EPHB1: variants seen among roughly 807,000 people sequenced by gnomAD.
EPHB1 encodes the protein EPH receptor B1.
A neutral mutation model predicts 94.4 loss-of-function variants in EPHB1; 30 were observed. The ratio of observed to expected loss-of-function variants is 0.32; its 90% CI spans 0.24 to 0.43. EPHB1 has a LOEUF of 0.43. Ranked by LOEUF, EPHB1 falls within the 20% of genes least tolerant of loss-of-function variation. EPHB1 has a pLI of 1.00. For synonymous variants in EPHB1, 522 were observed against 489.1 expected (o/e 1.07, Z -0.89); for missense variants, 1,055 against 1,308.3 (o/e 0.81, Z 2.99).
intron 1 of EPHB1, among the ~76,000 whole-genome samples, chr3:134,897,181 A>T (rs1241782334): frequency 6.6e-6 from 1 of 152,202 alleles, no homozygotes; most frequent in Non-Finnish European, 1.5e-5. Context: ...TCAGCACATC[A>T]TCTGTAGGGT....
intron 4 of EPHB1, among the ~76,000 whole-genome samples, chr3:135,113,152 G>A (rs139144352): frequency 9.2e-5 from 14 of 152,194 alleles, no homozygotes; most frequent in Non-Finnish European, 1.6e-4. Context: ...TTGGGTCCCC[G>A]CCCCATGCTG....
chr3:134,815,136 T>A (rs903097880), intron 1 of EPHB1, among the ~76,000 whole-genome samples: 3 of 152,232 alleles, frequency 2.0e-5, no homozygotes, highest in Non-Finnish European at 2.9e-5. Context: ...TTAAAGGATA[T>A]GATTTGGACA....
chr3:134,999,260 G>T (rs1199625231), intron 3 of EPHB1, among the ~76,000 whole-genome samples: 4 of 152,132 alleles, frequency 2.6e-5, no homozygotes, highest in African/African-American at 9.7e-5. Context: ...CATGCCGGAA[G>T]GTTTTTTGAG....
At chr3:134,879,617 A>T (rs1213484009) in intron 1 of EPHB1, among the ~76,000 whole-genome samples, 1 of 152,094 alleles carries the variant, frequency 6.6e-6, no homozygotes, top group Admixed American at 6.6e-5. Context: ...ATGCCACTGT[A>T]CTCCAGCCTG....
chr3:135,051,473 G>A (rs1937166187), intron 3 of EPHB1, among the ~76,000 whole-genome samples: 1 of 152,188 alleles, frequency 6.6e-6, no homozygotes, highest in Non-Finnish European at 1.5e-5. Flanking sequence ...ATTCCTTGAA[G>A]GTTTCCTCTC....
At chr3:135,248,181 G>C in intron 13 of EPHB1, 135 bp from the exon 14 acceptor site, 1 of 737,676 alleles carries the variant, frequency 1.4e-6, no homozygotes, top group Non-Finnish European at 2.1e-6. Context: ...CCATTACAGC[G>C]GAAGGTGTGC....
At chr3:134,972,191 C>T (rs958861366) in intron 3 of EPHB1, among the ~76,000 whole-genome samples, 2 of 152,000 alleles carry the variant, frequency 1.3e-5, no homozygotes, top group African/African-American at 4.8e-5. Context: ...GGCAGCCTCT[C>T]CTCACCTGTC....
intron 3 of EPHB1, among the ~76,000 whole-genome samples, chr3:135,066,516 T>G (rs1247282564): frequency 1.3e-5 from 2 of 152,232 alleles, no homozygotes; most frequent in East Asian, 3.9e-4. Flanking sequence ...ATTTTGCATT[T>G]CTATAAGTGT....
chr3:134,890,034 A>T (rs2037945049), intron 1 of EPHB1, among the ~76,000 whole-genome samples: 1 of 152,172 alleles, frequency 6.6e-6, no homozygotes, highest in African/African-American at 2.4e-5. Context: ...GATGTGTTGT[A>T]AACACCTATC....
chr3:135,196,968 A>G (rs1331682839), intron 11 of EPHB1, among the ~76,000 whole-genome samples: 1 of 152,146 alleles, frequency 6.6e-6, no homozygotes, highest in Admixed American at 6.5e-5. Context: ...AATATTAGAA[A>G]CAATTCGGCT....
chr3:135,201,971 T>G (rs57413366), intron 12 of EPHB1, among the ~76,000 whole-genome samples: 5,691 of 151,998 alleles, frequency 0.037, 145 homozygotes, highest in South Asian at 0.073. Context: ...GAACAGATGA[T>G]TTGAGGGAAT....
rs372799459 is a variant in EPHB1, at chr3:134,896,222, G to A, written c.59-29594G>A. On this transcript the variant is annotated intron_variant, in intron 1 of 15. Transcript: ENST00000398015. The stretch of plus-strand genomic sequence containing the variant: ...TGCTCACGGGCCCATAAGCTCCTTC[G>A]TGCCCTCCCTGCAGAAGTCATCTCA... Among the ~76,000 whole-genome samples the A allele has an allele frequency of 3.9e-4, 59 of 150,828 alleles. 2 individuals are homozygous for A. In the South Asian group the frequency reaches 0.012, roughly 30 times the overall value.
chr3:135,210,497 G>C (rs1235605571), intron 12 of EPHB1, among the ~76,000 whole-genome samples: 1 of 152,198 alleles, frequency 6.6e-6, no homozygotes, highest in African/African-American at 2.4e-5. Context: ...AAAAGAGCCT[G>C]GTTCTGGACA....
At chr3:134,959,333 A>G (rs1933411679) in intron 3 of EPHB1, among the ~76,000 whole-genome samples, 1 of 152,136 alleles carries the variant, frequency 6.6e-6, no homozygotes, top group African/African-American at 2.4e-5. Context: ...GCACCAGTCT[A>G]GAGAGCCATG....
intron 3 of EPHB1, among the ~76,000 whole-genome samples, chr3:135,048,504 A>C (rs1179161881): frequency 6.6e-6 from 1 of 152,096 alleles, no homozygotes; most frequent in Admixed American, 6.5e-5. Flanking sequence ...TTCTGGCCTC[A>C]AGCAGTCTGC....
chr3:134,984,126 A>C (rs1354564208), intron 3 of EPHB1, among the ~76,000 whole-genome samples: 1 of 152,222 alleles, frequency 6.6e-6, no homozygotes, highest in African/African-American at 2.4e-5. Context: ...AAGAGGATGA[A>C]GAAGTAGGAA....
intron 3 of EPHB1, among the ~76,000 whole-genome samples, chr3:135,102,792 C>A (rs1008084384): frequency 6.6e-6 from 1 of 152,178 alleles, no homozygotes; most frequent in African/African-American, 2.4e-5. Flanking sequence ...GAATACCTTG[C>A]AGCCATAAAA....
chr3:134,931,097 A>G (rs2038895656), intron 2 of EPHB1, among the ~76,000 whole-genome samples: 1 of 152,232 alleles, frequency 6.6e-6, no homozygotes, highest in Non-Finnish European at 1.5e-5. Flanking sequence ...ATTTAGGTTT[A>G]CTGTAACCCA....
chr3:134,894,220 G>A (rs139963774), intron 1 of EPHB1, among the ~76,000 whole-genome samples: 2 of 152,288 alleles, frequency 1.3e-5, no homozygotes, highest in East Asian at 1.9e-4. Flanking sequence ...ATCTTGAGGT[G>A]CCTTGGGACA....
Sources: allele counts gnomAD v4.1 joint callset (sites outside exome capture counted in the v4.1 genomes callset), GRCh38; gene constraint gnomAD v4.1.1; transcripts MANE v1.5; gene names NCBI Gene and HGNC (gene_info 2026-07-23, HGNC 2026-07-21).